HEATR5B: variants seen among roughly 807,000 people sequenced by gnomAD.
The protein encoded by HEATR5B is HEAT repeat-containing protein 5B.
HEATR5B carries 156 observed loss-of-function variants against 224.1 expected under a neutral mutation model. The ratio of observed to expected loss-of-function variants is 0.70; its 90% CI spans 0.61 to 0.80. The LOEUF is 0.80. HEATR5B is among the 30% of genes least tolerant of loss of function. The probability of loss-of-function intolerance (pLI) is 0.00; values close to 1 mark genes in which losing one functional copy is unlikely to be tolerated. For missense variants in HEATR5B, 2,323 were observed against 2,535.5 expected (o/e 0.92, Z 1.80); for synonymous variants, 1,027 against 893.0 (o/e 1.15, Z -2.68).
chr2:36,988,824 G>T lies in HEATR5B; in HGVS notation c.5733C>A (p.Val1911=). Residue 1911 remains valine (V), a synonymous_variant, in exon 35 of 36, where the codon GTC becomes GTA. Coordinates refer to ENST00000233099, the MANE Select transcript of HEATR5B (RefSeq NM_019024.3). ...AAAGGGCACGATTGGAATGCTGGAA[G>T]ACTGAGAGGAGAAGCTGGTAACATT... The part of the protein sequence containing the change: ...QAKCYQLLLS[V]FQHSNRALST... The T allele has an allele frequency of 6.2e-7, 1 of 1,614,024 alleles. No individual in the cohort carries two copies.
chr2:36,984,472 T>A (rs900679511), intron 35 of HEATR5B, among the ~76,000 whole-genome samples: 1 of 151,882 alleles, frequency 6.6e-6, no homozygotes, highest in East Asian at 1.9e-4. Context: ...GGGATTTTAT[T>A]TGGTTGGTTA....
chr2:37,000,828 A>T lies in HEATR5B; in HGVS notation c.5318-15T>A, dbSNP rs1667045027. ...TGTCATACATCCTGAAAGAAAAACA[A>T]ATCAGATCACCTCATAACTATTCAG... On this transcript the variant is annotated splice_polypyrimidine_tract_variant and intron_variant, in intron 32 of 35. Transcript: ENST00000233099. The T allele has an allele frequency of 6.6e-7, 1 of 1,524,610 alleles. No homozygotes were observed. Among genetic ancestry groups the T allele is most frequent in the African/African-American group, 1.4e-5 (1 of 73,094 alleles). 94.4% of individuals were successfully genotyped at this position (1,524,610 alleles called of 1,614,324 possible). A position where few individuals can be genotyped will look rare whatever the true frequency, so the allele number is the denominator to read the frequency against.
chr2:37,013,427 G>A (rs1667915700), intron 27 of HEATR5B, among the ~76,000 whole-genome samples: 1 of 152,256 alleles, frequency 6.6e-6, no homozygotes, highest in Non-Finnish European at 1.5e-5. Context: ...GTGCGTGCCT[G>A]CAGTCCCAGC....
At chr2:37,019,482 G>A (rs1668333635) in intron 26 of HEATR5B, among the ~76,000 whole-genome samples, 1 of 149,602 alleles carries the variant, frequency 6.7e-6, no homozygotes, top group South Asian at 2.1e-4. Flanking sequence ...TTTGAGACAG[G>A]GTCTCGCTCC....
chr2:37,000,826 C>G lies in HEATR5B; in HGVS notation c.5318-13G>C. On this transcript the variant is annotated splice_polypyrimidine_tract_variant and intron_variant, in intron 32 of 35. Transcript: ENST00000233099. Reference sequence around the variant, plus strand: ...ATTGTCATACATCCTGAAAGAAAAACAAATCAGATCACCTCATAACTATTC... The same window carrying G: ...ATTGTCATACATCCTGAAAGAAAAAGAAATCAGATCACCTCATAACTATTC... The G allele has an allele frequency of 1.3e-6, 2 of 1,521,300 alleles. No homozygotes were observed. Among genetic ancestry groups the G allele is most frequent in the Non-Finnish European group, 1.8e-6 (2 of 1,096,210 alleles). The allele number at this position is 1,521,300 out of a possible 1,614,324, so 94.2% of individuals were successfully genotyped here.
At chr2:37,002,706 A>T (rs929597124) in intron 31 of HEATR5B, 134 bp from the exon 32 acceptor site, 2 of 852,248 alleles carry the variant, frequency 2.3e-6, no homozygotes, top group African/African-American at 3.4e-5. Flanking sequence ...TTCTCTGTAT[A>T]ATTCTCTGCC....
At chr2:37,073,597 T>C (rs781399561) in intron 5 of HEATR5B, among the ~76,000 whole-genome samples, 5 of 152,312 alleles carry the variant, frequency 3.3e-5, no homozygotes, top group South Asian at 2.1e-4. Context: ...CCCAGTCTTA[T>C]TTGTATTCTG....
chr2:37,080,538 T>C (rs1315797965), intron 2 of HEATR5B, among the ~76,000 whole-genome samples: 7 of 152,082 alleles, frequency 4.6e-5, no homozygotes, highest in Non-Finnish European at 8.8e-5. Context: ...CAAAAATGAC[T>C]CTATGGTTTT....
chr2:36,988,554 G>T, intron 35 of HEATR5B, 92 bp downstream of exon 35: 2 of 1,105,496 alleles, frequency 1.8e-6, no homozygotes, highest in Non-Finnish European at 2.6e-6. Context: ...AAGCCACTGC[G>T]CCCAGCAGGC....
At chr2:37,024,533 C>G (rs950082200) in intron 24 of HEATR5B, among the ~76,000 whole-genome samples, 4 of 151,960 alleles carry the variant, frequency 2.6e-5, no homozygotes, top group African/African-American at 9.7e-5. Flanking sequence ...AAAAATTTTG[C>G]CCAACTGATA....
intron 18 of HEATR5B, 33 bp downstream of exon 18, chr2:37,049,620 A>C (rs1186918053): frequency 6.4e-7 from 1 of 1,553,734 alleles, no homozygotes; most frequent in Non-Finnish European, 8.8e-7. Context: ...CTTTGCCTAC[A>C]CATGAAACTT....
intron 18 of HEATR5B, among the ~76,000 whole-genome samples, chr2:37,043,655 T>C (rs529427884): frequency 1.1e-4 from 17 of 152,332 alleles, no homozygotes; most frequent in African/African-American, 3.8e-4. Context: ...CTTCAGTTAA[T>C]AATGCAAAAA....
At chr2:37,067,016 T>G (rs1277962546) in intron 8 of HEATR5B, among the ~76,000 whole-genome samples, 1 of 151,976 alleles carries the variant, frequency 6.6e-6, no homozygotes, top group East Asian at 1.9e-4. Context: ...ACTACAGGTG[T>G]ACGCCACCAC....
At chr2:37,036,954 A>G (rs998777085) in intron 21 of HEATR5B, among the ~76,000 whole-genome samples, 2 of 151,646 alleles carry the variant, frequency 1.3e-5, no homozygotes, top group Non-Finnish European at 2.9e-5. Flanking sequence ...AAACTTTACT[A>G]TGACAGAGGC....
chr2:37,071,555 T>A (rs1451389770), intron 6 of HEATR5B, among the ~76,000 whole-genome samples: 2 of 152,176 alleles, frequency 1.3e-5, no homozygotes, highest in African/African-American at 4.8e-5. Flanking sequence ...TTCCAGTACC[T>A]TATACATTAT....
At chr2:37,031,111 T>C (rs898872921) in intron 22 of HEATR5B, among the ~76,000 whole-genome samples, 4 of 152,200 alleles carry the variant, frequency 2.6e-5, no homozygotes, top group Non-Finnish European at 5.9e-5. Context: ...TCACAATCCA[T>C]TGCTGGGTTG....
chr2:37,070,536 C>A lies in HEATR5B; in HGVS notation c.770-149G>T, dbSNP rs1671845146. 5 of 638,976 alleles carry A rather than the reference C, an allele frequency of 7.8e-6. No homozygotes were observed. In the South Asian group the frequency reaches 1.0e-4, roughly 13 times the overall value. The allele number at this position is 638,976 out of a possible 1,614,324, so 39.6% of individuals were successfully genotyped here. ...TTGTTTTCTTAAAATTTTCAATGTA[C>A]TTGTAAGCCTGAATTCAATTCCAAA... On this transcript the variant is annotated intron_variant, in intron 6 of 35. Coordinates refer to ENST00000233099, the MANE Select transcript of HEATR5B (RefSeq NM_019024.3).
chr2:37,041,129 A>G lies in HEATR5B; in HGVS notation c.2856+4T>C. ...TTGTAATAAAAAAACCAATTATATT[A>G]TACCTGGACTTCAGGGGATGTCCCA... On this transcript the variant is annotated splice_donor_region_variant and intron_variant, in intron 19 of 35. Transcript: ENST00000233099. 6.2e-7 allele frequency: 1 copy of G among 1,610,660 alleles called. No homozygotes were observed. The highest frequency in any genetic ancestry group is 8.5e-7 in the Non-Finnish European group (1 of 1,178,464).
At chr2:37,072,660 T>A (rs1056256531) in intron 5 of HEATR5B, among the ~76,000 whole-genome samples, 8 of 151,976 alleles carry the variant, frequency 5.3e-5, no homozygotes, top group African/African-American at 1.9e-4. Context: ...AGGAAATTCA[T>A]GACTAGGAAA....
Sources: gnomAD v4.1 joint callset for allele counts (sites outside exome capture counted in the v4.1 genomes callset) on GRCh38, gnomAD v4.1.1 for gene constraint, MANE v1.5 for transcripts, NCBI Gene and HGNC (gene_info 2026-07-23, HGNC 2026-07-21) for gene names.